The following LPP variants were observed in gnomAD, a reference collection of about 807,000 sequenced individuals.
LPP encodes the protein lipoma-preferred partner.
LPP carries 38 observed loss-of-function variants against 60.4 expected under a neutral mutation model. The ratio of observed to expected loss-of-function variants is 0.63; its 90% CI spans 0.49 to 0.83. The LOEUF (loss-of-function observed/expected upper bound fraction) is 0.83, where lower values mean the gene tolerates loss of function less well. Among genes scored for constraint, LPP ranks in the 40% least tolerant of loss-of-function variants. The probability of loss-of-function intolerance (pLI) is 0.00; values close to 1 mark genes in which losing one functional copy is unlikely to be tolerated. For synonymous variants in LPP, 328 were observed against 290.8 expected, an observed-to-expected ratio of 1.13 and a Z score of -1.30; for missense variants, 902 against 783.6, an observed-to-expected ratio of 1.15 and a Z score of -1.80.
chr3:188,271,127 C>T (rs532810101), intron 2 of LPP, among the ~76,000 whole-genome samples: 128 of 152,316 alleles, frequency 8.4e-4, no homozygotes, highest in Middle Eastern at 3.4e-3. Context: ...AAACAAAAAT[C>T]CCAGTCTTGA....
At chr3:188,299,445 G>A (rs891427814) in intron 2 of LPP, among the ~76,000 whole-genome samples, 2 of 152,172 alleles carry the variant, frequency 1.3e-5, no homozygotes, top group African/African-American at 4.8e-5. Flanking sequence ...GTCTTAAGCA[G>A]CTTTTGAATC....
intron 9 of LPP, among the ~76,000 whole-genome samples, chr3:188,770,333 C>G (rs1243747789): frequency 2.9e-5 from 4 of 140,114 alleles, no homozygotes; most frequent in Admixed American, 2.2e-4. Context: ...CACCCGCCAC[C>G]ACGCCCAGCT....
intron 1 of LPP, among the ~76,000 whole-genome samples, chr3:188,194,888 G>T (rs1380050377): frequency 6.6e-6 from 1 of 150,902 alleles, no homozygotes; most frequent in Non-Finnish European, 1.5e-5. Context: ...ATTCAGAGGA[G>T]TAAAGTGGCT....
intron 3 of LPP, among the ~76,000 whole-genome samples, chr3:188,361,410 T>C (rs1337634124): frequency 6.6e-6 from 1 of 151,554 alleles, no homozygotes; most frequent in Non-Finnish European, 1.5e-5. Flanking sequence ...GGTTTTTTCC[T>C]TCTTTCATTC....
chr3:188,191,185 G>A (rs752587678), intron 1 of LPP, among the ~76,000 whole-genome samples: 2 of 152,202 alleles, frequency 1.3e-5, no homozygotes, highest in Non-Finnish European at 2.9e-5. Context: ...AGCTGAGATC[G>A]TGCCACTGCA....
chr3:188,379,760 A>G (rs1421235391), intron 3 of LPP, among the ~76,000 whole-genome samples: 1 of 152,190 alleles, frequency 6.6e-6, no homozygotes, highest in African/African-American at 2.4e-5. Context: ...ATGTTGCAGC[A>G]TGATAAGTAG....
At chr3:188,442,919 C>T (rs954324363) in intron 4 of LPP, among the ~76,000 whole-genome samples, 8 of 152,236 alleles carry the variant, frequency 5.3e-5, no homozygotes, top group Non-Finnish European at 1.0e-4. Context: ...CTGATTGAGT[C>T]CAGGAGTCTT....
chr3:188,673,892 GTT>G (rs11326051), intron 7 of LPP, among the ~76,000 whole-genome samples: 2,592 of 137,868 alleles, frequency 0.019, 37 homozygotes, highest in South Asian at 0.094. Flanking sequence ...TTTCTTTTTT[GTT>G]TTTTTTTTTT....
chr3:188,411,971 C>T (rs1397308661), intron 4 of LPP, among the ~76,000 whole-genome samples: 2 of 29,032 alleles, frequency 6.9e-5, no homozygotes, highest in African/African-American at 2.7e-4. Flanking sequence ...CTCTCTTTCT[C>T]TGTCTCTCTC....
At chr3:188,318,873 C>T (rs2150357964) in intron 2 of LPP, among the ~76,000 whole-genome samples, 2 of 149,304 alleles carry the variant, frequency 1.3e-5, no homozygotes, top group Admixed American at 1.3e-4. Context: ...ATTCTCCTGC[C>T]TCAGCCTCCC....
At position 188,880,144 on chromosome 3, in the gene LPP, T is replaced by C. The variant is rs898360867; in HGVS notation, c.*5665T>C. Reference sequence around the variant, plus strand: ...CTCCCAGGTTCACGCCATTCTCCTGTCTCAGCCTCCCGAGTAGCTGGGACT... The same window carrying C: ...CTCCCAGGTTCACGCCATTCTCCTGCCTCAGCCTCCCGAGTAGCTGGGACT... On this transcript the variant is annotated 3_prime_UTR_variant, in exon 12 of 12. Coordinates refer to ENST00000617246, the MANE Select transcript of LPP (RefSeq NM_001375462.1). The C allele has an allele frequency of 1.2e-5, 2 of 162,610 alleles. No homozygotes were observed. The highest frequency in any genetic ancestry group is 2.7e-5 in the Non-Finnish European group (2 of 74,194). 10.1% of individuals were successfully genotyped at this position (162,610 alleles called of 1,614,324 possible).
At chr3:188,767,000 C>T (rs1465801112) in intron 9 of LPP, among the ~76,000 whole-genome samples, 6 of 152,148 alleles carry the variant, frequency 3.9e-5, no homozygotes, top group Non-Finnish European at 1.5e-5. Flanking sequence ...GCCTTCTATA[C>T]AGTCCGTTTT....
At chr3:188,354,836 G>GACACACAC (rs59234691) in intron 3 of LPP, among the ~76,000 whole-genome samples, 13,968 of 151,320 alleles carry the variant, frequency 0.092, 1,012 homozygotes, top group African/African-American at 0.2. Context: ...CACACACACA[G>GACACACAC]ACACACACAC....
At chr3:188,778,258 G>A (rs1460304474) in intron 9 of LPP, among the ~76,000 whole-genome samples, 1 of 152,120 alleles carries the variant, frequency 6.6e-6, no homozygotes, top group African/African-American at 2.4e-5. Context: ...GCACAAGCTT[G>A]GAATTCTGCT....
intron 9 of LPP, among the ~76,000 whole-genome samples, chr3:188,854,874 T>C (rs1415888872): frequency 6.6e-6 from 1 of 152,194 alleles, no homozygotes; most frequent in Non-Finnish European, 1.5e-5. Flanking sequence ...CAGGCAGCTC[T>C]GAAGGGAACC....
intron 8 of LPP, among the ~76,000 whole-genome samples, chr3:188,755,507 T>C (rs1231783706): frequency 6.6e-6 from 1 of 151,578 alleles, no homozygotes; most frequent in Non-Finnish European, 1.5e-5. Context: ...AAAGAGAAAA[T>C]AAATATGACA....
Position 188,884,399 on chromosome 3 carries a change from A to C in LPP, c.*9920A>C. On this transcript the variant is annotated 3_prime_UTR_variant, in exon 12 of 12. Transcript: ENST00000617246. ...GAAATTCAGAGACCAATTGACTGCCAGGTGGCAAATCCACATGTGTACTGC... is the reference window on the plus strand; with the variant it reads ...GAAATTCAGAGACCAATTGACTGCCCGGTGGCAAATCCACATGTGTACTGC... 4.3e-6 allele frequency: 1 copy of C among 230,236 alleles called. No individual in the cohort carries two copies. Among genetic ancestry groups the C allele is most frequent in the East Asian group, 6.2e-5 (1 of 16,150 alleles). The allele number at this position is 230,236 out of a possible 1,614,324, so 14.3% of individuals were successfully genotyped here. A position where few individuals can be genotyped will look rare whatever the true frequency, so the allele number is the denominator to read the frequency against.
intron 7 of LPP, among the ~76,000 whole-genome samples, chr3:188,651,664 A>C (rs1248151514): frequency 6.6e-6 from 1 of 152,166 alleles, no homozygotes; most frequent in Non-Finnish European, 1.5e-5. Context: ...AACAGACAAG[A>C]GAAGAGAGCT....
intron 8 of LPP, among the ~76,000 whole-genome samples, chr3:188,726,862 G>T (rs1718594867): frequency 6.6e-6 from 1 of 152,118 alleles, no homozygotes; most frequent in African/African-American, 2.4e-5. Flanking sequence ...AAAGAAAACA[G>T]CAGCTAAAAA....
Sources: allele counts gnomAD v4.1 joint callset (sites outside exome capture counted in the v4.1 genomes callset), GRCh38; gene constraint gnomAD v4.1.1; transcripts MANE v1.5; gene names NCBI Gene and HGNC (gene_info 2026-07-23, HGNC 2026-07-21).